Variants in CDH8 observed in about 807,000 individuals in gnomAD.
CDH8 encodes the protein cadherin-8.
A neutral mutation model predicts 68.1 loss-of-function variants in CDH8; 17 were observed. The ratio of observed to expected loss-of-function variants is 0.25; its 90% CI spans 0.17 to 0.37. CDH8 has a LOEUF of 0.37. CDH8 is among the 10% of genes least tolerant of loss of function. The probability of loss-of-function intolerance (pLI) is 1.00; values close to 1 mark genes in which losing one functional copy is unlikely to be tolerated. For synonymous variants in CDH8, 372 were observed against 365.1 expected (o/e 1.02, Z -0.21); for missense variants, 763 against 999.3 (o/e 0.76, Z 3.19).
intron 3 of CDH8, among the ~76,000 whole-genome samples, chr16:61,888,094 A>C (rs929695977): frequency 5.3e-5 from 8 of 152,188 alleles, no homozygotes; most frequent in Non-Finnish European, 8.8e-5. Context: ...GGGCTCTTGC[A>C]TGATTCAGCA....
At chr16:61,987,260 T>C (rs773999440) in intron 2 of CDH8, among the ~76,000 whole-genome samples, 17 of 152,264 alleles carry the variant, frequency 1.1e-4, no homozygotes, top group Non-Finnish European at 1.9e-4. Flanking sequence ...TCCTAGCACT[T>C]TGGGAAGCCA....
chr16:61,737,827 A>G (rs1319242703), intron 8 of CDH8, among the ~76,000 whole-genome samples: 1 of 152,130 alleles, frequency 6.6e-6, no homozygotes, highest in African/African-American at 2.4e-5. Context: ...ACCATCAAAT[A>G]CTTATCAAAA....
intron 1 of CDH8, among the ~76,000 whole-genome samples, chr16:62,028,260 G>A (rs946855479): frequency 6.6e-6 from 1 of 151,496 alleles, no homozygotes; most frequent in African/African-American, 2.4e-5. Context: ...TAAAGATGGG[G>A]TTTCACCATG....
intron 2 of CDH8, among the ~76,000 whole-genome samples, chr16:61,966,946 T>A (rs560558979): frequency 6.6e-6 from 1 of 152,142 alleles, no homozygotes; most frequent in Non-Finnish European, 1.5e-5. Context: ...GGCTCACACC[T>A]GTAATCCCAA....
At position 61,716,432 on chromosome 16, in the gene CDH8, C is replaced by G. The variant is rs1368804296; in HGVS notation, c.1537-2474G>C. Among the ~76,000 whole-genome samples, 3 of 151,736 alleles carry G rather than the reference C, an allele frequency of 2.0e-5. No homozygotes were observed. The East Asian group carries it at 5.8e-4, about 30-fold the overall frequency. On this transcript the variant is annotated intron_variant, in intron 9 of 11. Coordinates refer to ENST00000577390, the MANE Select transcript of CDH8 (RefSeq NM_001796.5). ...ACATTTTTCCACCATTTATTTTAGC[C>G]AGGAACTCATTAGATAAGCAATTTA...
rs142783624 is a variant in CDH8, at chr16:61,776,250, G to A, written c.1414+13096C>T. ...CCCATAACAAACTTCAAATATAGCCGTTGAGACCTAAAGAGATTGCATAAC... is the reference window on the plus strand; with the variant it reads ...CCCATAACAAACTTCAAATATAGCCATTGAGACCTAAAGAGATTGCATAAC... On this transcript the variant is annotated intron_variant, in intron 8 of 11. Transcript: ENST00000577390. 4.6e-4 allele frequency among the ~76,000 whole-genome samples: 70 copies of A among 152,168 alleles called. 3 individuals are homozygous for A. In the East Asian group the frequency reaches 0.013, roughly 29 times the overall value.
intron 2 of CDH8, among the ~76,000 whole-genome samples, chr16:62,007,028 C>CT (rs1377520625): frequency 6.6e-6 from 1 of 152,018 alleles, no homozygotes; most frequent in East Asian, 1.9e-4. Context: ...CTGTTTCAGC[C>CT]TCCCAAGTAG....
At chr16:61,988,963 G>GA (rs1166130024) in intron 2 of CDH8, among the ~76,000 whole-genome samples, 1 of 151,970 alleles carries the variant, frequency 6.6e-6, no homozygotes, top group Non-Finnish European at 1.5e-5. Flanking sequence ...TTTTTGGCAA[G>GA]AAAAAAATGA....
intron 8 of CDH8, 132 bp downstream of exon 8, chr16:61,789,214 C>A: frequency 1.4e-6 from 1 of 710,984 alleles, no homozygotes; most frequent in Non-Finnish European, 2.3e-6. Context: ...CATTCAAAGG[C>A]TCCTTGGGAA....
chr16:61,846,611 G>A (rs1410917598), intron 4 of CDH8, among the ~76,000 whole-genome samples: 3 of 152,038 alleles, frequency 2.0e-5, no homozygotes, highest in Admixed American at 6.6e-5. Context: ...TCAGAAAACC[G>A]AGCTCTGGAG....
chr16:61,777,976 T>A (rs1274798342), intron 8 of CDH8, among the ~76,000 whole-genome samples: 2 of 152,082 alleles, frequency 1.3e-5, no homozygotes, highest in Non-Finnish European at 2.9e-5. Flanking sequence ...ATCTCCAGCT[T>A]TGAGAACCTG....
At chr16:61,921,473 A>C (rs75840664) in intron 2 of CDH8, among the ~76,000 whole-genome samples, 17,528 of 152,140 alleles carry the variant, frequency 0.12, 1,324 homozygotes, top group East Asian at 0.3. Context: ...AGTTACCCAC[A>C]TCAAAATCTG....
chr16:61,712,914 A>G (rs1964657341), intron 10 of CDH8, among the ~76,000 whole-genome samples: 1 of 151,654 alleles, frequency 6.6e-6, no homozygotes, highest in Admixed American at 6.6e-5. Flanking sequence ...ATCCCTTTAA[A>G]TAGAATATTG....
At chr16:61,992,633 C>T (rs1342878443) in intron 2 of CDH8, among the ~76,000 whole-genome samples, 2 of 110,848 alleles carry the variant, frequency 1.8e-5, no homozygotes, top group East Asian at 3.3e-4. Context: ...AAAAATTCAA[C>T]GAAGTCAAGA....
chr16:62,005,756 A>T (rs925219151), intron 2 of CDH8, among the ~76,000 whole-genome samples: 6 of 130,026 alleles, frequency 4.6e-5, no homozygotes, highest in Non-Finnish European at 8.6e-5. Context: ...AAAAAAAAAA[A>T]ACATTGCCCA....
chr16:61,956,185 A>C (rs1376192149), intron 2 of CDH8, among the ~76,000 whole-genome samples: 2 of 152,208 alleles, frequency 1.3e-5, no homozygotes, highest in Non-Finnish European at 2.9e-5. Flanking sequence ...GTATACACAC[A>C]CTATAGAAAC....
At chr16:61,987,023 C>T (rs919763012) in intron 2 of CDH8, among the ~76,000 whole-genome samples, 1 of 152,234 alleles carries the variant, frequency 6.6e-6, no homozygotes, top group African/African-American at 2.4e-5. Flanking sequence ...AAACATCTCC[C>T]TCTCCCAACT....
At chr16:61,855,116 A>G (rs1208522627) in intron 4 of CDH8, among the ~76,000 whole-genome samples, 4 of 152,132 alleles carry the variant, frequency 2.6e-5, no homozygotes, top group Non-Finnish European at 5.9e-5. Context: ...AGTATCATCT[A>G]TCTCCATTAC....
intron 2 of CDH8, among the ~76,000 whole-genome samples, chr16:62,001,846 G>C (rs1965899519): frequency 6.6e-6 from 1 of 152,100 alleles, no homozygotes; most frequent in Non-Finnish European, 1.5e-5. Flanking sequence ...GGTTTTGACT[G>C]TGAATTCTTT....
Sources: allele counts gnomAD v4.1 joint callset (sites outside exome capture counted in the v4.1 genomes callset), GRCh38; gene constraint gnomAD v4.1.1; transcripts MANE v1.5; gene names NCBI Gene and HGNC (gene_info 2026-07-23, HGNC 2026-07-21).